GRB2: variants seen among roughly 807,000 people sequenced by gnomAD.
GRB2 encodes the protein growth factor receptor bound protein 2.
Under a neutral mutation model 27.4 loss-of-function variants are expected in GRB2, and 2 were observed. The ratio of observed to expected loss-of-function variants is 0.07; its 90% CI spans 0.03 to 0.23. The LOEUF is 0.23. Among genes scored for constraint, GRB2 ranks in the 10% least tolerant of loss-of-function variants. GRB2 has a pLI of 1.00. For missense variants in GRB2, 102 were observed against 282.4 expected (o/e 0.36, Z 4.58); for synonymous variants, 94 against 99.6 (o/e 0.94, Z 0.33).
At chr17:75,392,606 A>G (rs1380914080) in intron 2 of GRB2, among the ~76,000 whole-genome samples, 1 of 152,234 alleles carries the variant, frequency 6.6e-6, no homozygotes, top group Non-Finnish European at 1.5e-5. Flanking sequence ...CAAATGAGGT[A>G]GCAAATTCCA....
chr17:75,352,072 A>G (rs2078696003), intron 2 of GRB2, among the ~76,000 whole-genome samples: 1 of 152,232 alleles, frequency 6.6e-6, no homozygotes, highest in Non-Finnish European at 1.5e-5. Flanking sequence ...GTTAACAGGC[A>G]GGCTAAATTA....
In GRB2 at chr17:75,332,812, GACA is replaced by G; in HGVS notation, c.79-18_79-16del. The stretch of plus-strand genomic sequence containing the variant: ...TCGTTCAAAACCTGAAAAGAAATAA[GACA>G]ACAAAAAAACCCAATCATTTCCTTT... On this transcript the variant is annotated splice_polypyrimidine_tract_variant and intron_variant, in intron 2 of 5. Coordinates refer to ENST00000316804, the MANE Select transcript of GRB2 (RefSeq NM_002086.5). 6.6e-7 allele frequency: 1 copy of G among 1,519,486 alleles called. No homozygotes were observed. Among genetic ancestry groups the G allele is most frequent in the Non-Finnish European group, 9.1e-7 (1 of 1,102,604 alleles). The allele number at this position is 1,519,486 out of a possible 1,614,324, so 94.1% of individuals were successfully genotyped here. A position where few individuals can be genotyped will look rare whatever the true frequency, so the allele number is the denominator to read the frequency against.
At chr17:75,361,062 T>G (rs574745738) in intron 2 of GRB2, among the ~76,000 whole-genome samples, 66 of 152,320 alleles carry the variant, frequency 4.3e-4, no homozygotes, top group Non-Finnish European at 6.9e-4. Context: ...TCAGCCACTA[T>G]GCCTGACCTA....
rs1333002469 is a variant in GRB2, at chr17:75,344,841, C to G, written c.79-12044G>C. On this transcript the variant is annotated intron_variant, in intron 2 of 5. Coordinates refer to ENST00000316804, the MANE Select transcript of GRB2 (RefSeq NM_002086.5). ...AAAACACAAAGCCTCCCCAACCCCC[C>G]ACACCCCCTCCCAACCCCCCCGCCT... Among the ~76,000 whole-genome samples the G allele has an allele frequency of 2.6e-5, 4 of 151,660 alleles. No homozygotes were observed. In the East Asian group the frequency reaches 7.7e-4, roughly 29 times the overall value.
At chr17:75,345,341 G>A (rs1011264208) in intron 2 of GRB2, among the ~76,000 whole-genome samples, 2 of 152,090 alleles carry the variant, frequency 1.3e-5, no homozygotes, top group African/African-American at 4.8e-5. Context: ...ACCGCACCCC[G>A]CCCGACAACA....
chr17:75,357,968 C>T (rs896566863), intron 2 of GRB2, among the ~76,000 whole-genome samples: 1 of 151,956 alleles, frequency 6.6e-6, no homozygotes, highest in Non-Finnish European at 1.5e-5. Context: ...CGTGGTGGCG[C>T]GTGCCTGTAG....
At chr17:75,385,550 T>C (rs1477036566) in intron 2 of GRB2, among the ~76,000 whole-genome samples, 1 of 151,358 alleles carries the variant, frequency 6.6e-6, no homozygotes, top group Non-Finnish European at 1.5e-5. Flanking sequence ...AAATAAAAAA[T>C]AAAAATAAAA....
Position 75,393,696 on chromosome 17 carries a change from C to T in GRB2, c.-68G>A. On this transcript the variant is annotated 5_prime_UTR_variant, in exon 2 of 6. Coordinates refer to ENST00000316804, the MANE Select transcript of GRB2 (RefSeq NM_002086.5). ...GGGAGTCTTCCCTGCTGAAGCAACC[C>T]AGCGCTCTGGGCTTAGCCTCGCCTC... is the stretch of plus-strand genomic sequence containing the variant. The T allele has an allele frequency of 1.6e-6, 2 of 1,287,090 alleles. No individual in the cohort carries two copies. The highest frequency in any genetic ancestry group is 2.4e-5 in the South Asian group (2 of 84,334). 79.7% of individuals were successfully genotyped at this position (1,287,090 alleles called of 1,614,324 possible). A position where few individuals can be genotyped will look rare whatever the true frequency, so the allele number is the denominator to read the frequency against.
intron 4 of GRB2, among the ~76,000 whole-genome samples, chr17:75,324,415 C>T (rs1360515329): frequency 8.3e-5 from 11 of 131,922 alleles, no homozygotes; most frequent in Non-Finnish European, 1.1e-4. Context: ...TTACCATGTT[C>T]GCCAGGCTGG....
In GRB2 at chr17:75,321,917, C is replaced by T. The variant is rs1021253205; in HGVS notation, c.300-90G>A. ...CCATATAGGAGCTATCTCGAGAGAA[C>T]CACTGTCCCAGCAGCACTCCTCAGG... On this transcript the variant is annotated intron_variant, in intron 4 of 5. Transcript: ENST00000316804. 1.0e-4 allele frequency: 126 copies of T among 1,261,676 alleles called. No individual in the cohort carries two copies. In the African/African-American group the frequency reaches 1.8e-3, roughly 18 times the overall value. The allele number at this position is 1,261,676 out of a possible 1,614,324, so 78.2% of individuals were successfully genotyped here.
At chr17:75,342,038 T>C (rs953917899) in intron 2 of GRB2, among the ~76,000 whole-genome samples, 1 of 152,146 alleles carries the variant, frequency 6.6e-6, no homozygotes, top group Non-Finnish European at 1.5e-5. Context: ...CACACTGTAC[T>C]CCTCCCCACC....
intron 2 of GRB2, among the ~76,000 whole-genome samples, chr17:75,359,907 A>T (rs1201487715): frequency 6.6e-6 from 1 of 152,068 alleles, no homozygotes; most frequent in Non-Finnish European, 1.5e-5. Context: ...GGCATTCAAT[A>T]AGTGTTTGAC....
chr17:75,335,191 G>A (rs1000231958), intron 2 of GRB2, among the ~76,000 whole-genome samples: 1 of 152,130 alleles, frequency 6.6e-6, no homozygotes, highest in Non-Finnish European at 1.5e-5. Context: ...CAGGTACAGC[G>A]TGAAAGCCAC....
chr17:75,374,532 TTAGCC>T (rs1282598021), intron 2 of GRB2, among the ~76,000 whole-genome samples: 72 of 151,950 alleles, frequency 4.7e-4, no homozygotes, highest in Non-Finnish European at 5.3e-4. Context: ...GAGTTTGAGA[TTAGCC>T]TGGCAACATG....
intron 2 of GRB2, among the ~76,000 whole-genome samples, chr17:75,338,359 C>T (rs754063743): frequency 1.3e-5 from 2 of 152,192 alleles, no homozygotes; most frequent in African/African-American, 4.8e-5. Context: ...GCCACCGTGC[C>T]CGGCCACAAA....
At chr17:75,397,165 C>CA (rs1264032697) in intron 1 of GRB2, among the ~76,000 whole-genome samples, 6 of 151,976 alleles carry the variant, frequency 3.9e-5, no homozygotes, top group African/African-American at 1.5e-4. Flanking sequence ...ACAGAAAACT[C>CA]AAAGAGGAAA....
chr17:75,323,211 G>A (rs2078472542), intron 4 of GRB2, among the ~76,000 whole-genome samples: 1 of 151,784 alleles, frequency 6.6e-6, no homozygotes, highest in Non-Finnish European at 1.5e-5. Context: ...TTCAGCTGAT[G>A]GAAACCAAAG....
chr17:75,403,075 CAA>C (rs59384819), intron 1 of GRB2, among the ~76,000 whole-genome samples: 8 of 43,172 alleles, frequency 1.9e-4, no homozygotes, highest in African/African-American at 6.1e-4. Context: ...GAATCTGTCT[CAA>C]AAAAAAAAAA....
chr17:75,323,783 G>A (rs2078476740), intron 4 of GRB2, among the ~76,000 whole-genome samples: 1 of 151,396 alleles, frequency 6.6e-6, no homozygotes, highest in Admixed American at 6.6e-5. Flanking sequence ...AAGAAAGACA[G>A]GTGTCACACA....
Sources: allele counts gnomAD v4.1 joint callset (sites outside exome capture counted in the v4.1 genomes callset), GRCh38; gene constraint gnomAD v4.1.1; transcripts MANE v1.5; gene names NCBI Gene and HGNC (gene_info 2026-07-23, HGNC 2026-07-21).